Variants in DPF3 observed in about 807,000 individuals in gnomAD.
DPF3 encodes the protein double PHD fingers 3, also known as zinc finger protein DPF3.
DPF3 carries 18 observed loss-of-function variants against 56.8 expected under a neutral mutation model. That is an observed-to-expected ratio of 0.32 (90% CI 0.22 to 0.47). The LOEUF (loss-of-function observed/expected upper bound fraction) is 0.47, where lower values mean the gene tolerates loss of function less well. DPF3 is among the 20% of genes least tolerant of loss of function. DPF3 has a pLI of 1.00. For synonymous variants in DPF3, 188 were observed against 180.2 expected, an observed-to-expected ratio of 1.04 and a Z score of -0.35; for missense variants, 403 against 488.8, an observed-to-expected ratio of 0.82 and a Z score of 1.65.
intron 2 of DPF3, 68 bp from the exon 3 acceptor site, chr14:72,753,439 T>A: frequency 7.8e-7 from 1 of 1,279,464 alleles, no homozygotes; most frequent in Non-Finnish European, 1.1e-6. Flanking sequence ...CTACCCTGAC[T>A]AACCCCGTCA....
At chr14:72,823,310 T>A (rs1037110240) in intron 1 of DPF3, among the ~76,000 whole-genome samples, 2 of 152,150 alleles carry the variant, frequency 1.3e-5, no homozygotes, top group African/African-American at 4.8e-5. Flanking sequence ...ATATTAGAGA[T>A]GTGAGACCAG....
intron 3 of DPF3, among the ~76,000 whole-genome samples, chr14:72,737,454 G>A (rs1298747149): frequency 6.6e-6 from 1 of 152,100 alleles, no homozygotes; most frequent in East Asian, 1.9e-4. Flanking sequence ...GGAGCACAGT[G>A]AGTAATTAAA....
intron 1 of DPF3, among the ~76,000 whole-genome samples, chr14:72,888,423 T>C (rs2110552): frequency 0.46 from 69,191 of 152,032 alleles, 17,176 homozygotes; most frequent in African/African-American, 0.63. Context: ...TTTGACAGAC[T>C]GTGAAACACC....
Position 72,622,404 on chromosome 14 carries a change from A to C in DPF3, c.985-2420T>G, listed in dbSNP as rs542762974. Among the ~76,000 whole-genome samples, 113 of 152,294 alleles carry C rather than the reference A, an allele frequency of 7.4e-4. 1 individual carries two copies. The highest frequency in any genetic ancestry group is 2.6e-3 in the African/African-American group (110 of 41,570). On this transcript the variant is annotated intron_variant, in intron 9 of 10. Transcript: ENST00000556509. Reference sequence around the variant, plus strand: ...ACATCATTATTGCAGAGCCAGCATAAGCTACAGGACAATTTGATTTAGGGA... The same window carrying C: ...ACATCATTATTGCAGAGCCAGCATACGCTACAGGACAATTTGATTTAGGGA...
At position 72,819,266 on chromosome 14, in the gene DPF3, C is replaced by A. The variant is rs1883424913; in HGVS notation, c.33-47373G>T. On this transcript the variant is annotated intron_variant, in intron 1 of 10. Coordinates refer to ENST00000556509, the MANE Select transcript of DPF3 (RefSeq NM_001280542.3). ...CTGACGGGAATATGCAATGGTGCAA[C>A]CACTTTAGAAAATAGTATGGTAGCT... 3.3e-5 allele frequency among the ~76,000 whole-genome samples: 5 copies of A among 152,180 alleles called. No individual in the cohort carries two copies. In the South Asian group the frequency reaches 1.0e-3, roughly 32 times the overall value.
intron 8 of DPF3, among the ~76,000 whole-genome samples, chr14:72,648,155 A>T (rs1442083676): frequency 6.6e-6 from 1 of 152,196 alleles, no homozygotes; most frequent in Non-Finnish European, 1.5e-5. Context: ...TTGTCCCCGT[A>T]TTTCACTAGT....
Position 72,610,841 on chromosome 14 carries a change from CT to C in DPF3, c.*8455del, listed in dbSNP as rs1889896374. Among the ~76,000 whole-genome samples, 1 of 152,220 alleles carries C rather than the reference CT, an allele frequency of 6.6e-6. No homozygotes were observed. The highest frequency in any genetic ancestry group is 6.5e-5 in the Admixed American group (1 of 15,288). On this transcript the variant is annotated 3_prime_UTR_variant, in exon 11 of 11. Transcript: ENST00000556509. ...GCTGCCTGGGGGAAGTGCTGCCAGT[CT>C]GGTGTGGAAAGGGTCCAAGTCAGAG...
chr14:72,796,505 C>CTAAA (rs763481139), intron 1 of DPF3, among the ~76,000 whole-genome samples: 6 of 151,916 alleles, frequency 3.9e-5, no homozygotes, highest in Non-Finnish European at 5.9e-5. Flanking sequence ...TTATTTATCA[C>CTAAA]TAAATAAATA....
chr14:72,774,728 C>T (rs1282537997), intron 1 of DPF3, among the ~76,000 whole-genome samples: 1 of 152,124 alleles, frequency 6.6e-6, no homozygotes, highest in Non-Finnish European at 1.5e-5. Context: ...AGTGTCCTGG[C>T]AGTTGCAAAA....
chr14:72,696,110 G>T (rs1887888912), intron 6 of DPF3, among the ~76,000 whole-genome samples: 1 of 152,020 alleles, frequency 6.6e-6, no homozygotes, highest in South Asian at 2.1e-4. Flanking sequence ...CCATTTAGTT[G>T]CCAGGCATAC....
intron 8 of DPF3, chr14:72,661,981 A>T (rs1329046113): frequency 1.0e-6 from 1 of 984,414 alleles, no homozygotes; most frequent in African/African-American, 1.8e-5. Flanking sequence ...CTCATCAGAC[A>T]TGATAACTAG....
chr14:72,822,745 T>C (rs1883608500), intron 1 of DPF3, among the ~76,000 whole-genome samples: 2 of 152,222 alleles, frequency 1.3e-5, no homozygotes, highest in African/African-American at 2.4e-5. Context: ...GGGAGTGTTA[T>C]GGATTGAGTT....
intron 1 of DPF3, among the ~76,000 whole-genome samples, chr14:72,859,268 A>T (rs1162356691): frequency 6.6e-6 from 1 of 152,122 alleles, no homozygotes; most frequent in Non-Finnish European, 1.5e-5. Flanking sequence ...AGTGTTCACG[A>T]TACTACATAG....
At chr14:72,874,120 A>T (rs970329760) in intron 1 of DPF3, among the ~76,000 whole-genome samples, 2 of 151,444 alleles carry the variant, frequency 1.3e-5, no homozygotes, top group African/African-American at 4.8e-5. Flanking sequence ...AACCTAAAAC[A>T]AGCAGGAGAT....
chr14:72,861,074 CAT>C (rs1244562446), intron 1 of DPF3, among the ~76,000 whole-genome samples: 2 of 133,584 alleles, frequency 1.5e-5, no homozygotes, highest in Non-Finnish European at 3.4e-5. Flanking sequence ...CACACAGACA[CAT>C]ACACACTTCC....
chr14:72,643,356 T>C (rs1490777517), intron 8 of DPF3, among the ~76,000 whole-genome samples: 4 of 152,232 alleles, frequency 2.6e-5, no homozygotes, highest in Admixed American at 6.5e-5. Context: ...CAATGCTCCA[T>C]GCCTCTAGCG....
At position 72,757,099 on chromosome 14, in the gene DPF3, G is replaced by C. The variant is rs554107519; in HGVS notation, c.194-3728C>G. 5.0e-3 allele frequency among the ~76,000 whole-genome samples: 588 copies of C among 117,582 alleles called. 11 individuals carry two copies. Among genetic ancestry groups the C allele is most frequent in the African/African-American group, 0.018 (563 of 30,500 alleles). 77.1% of individuals were successfully genotyped at this position (117,582 alleles called of 152,430 possible). ...GAAGGAAGGAAGGAAGGGAGGAAGG[G>C]AGAGAGGGAGGGAGGGAGGGAGGGG... On this transcript the variant is annotated intron_variant, in intron 2 of 10. Transcript: ENST00000556509.
Position 72,856,595 on chromosome 14 carries a change from T to G in DPF3, c.32+37462A>C, listed in dbSNP as rs1313746640. ...GAGCATGGATCCCACCCACAGGAGA[T>G]AATATTTTGAAAAGAGCACACATTT... On this transcript the variant is annotated intron_variant, in intron 1 of 10. Coordinates refer to ENST00000556509, the MANE Select transcript of DPF3 (RefSeq NM_001280542.3). Among the ~76,000 whole-genome samples the G allele has an allele frequency of 3.9e-5, 6 of 152,186 alleles. No individual in the cohort carries two copies. The South Asian group carries it at 1.0e-3, about 26-fold the overall frequency.
intron 1 of DPF3, among the ~76,000 whole-genome samples, chr14:72,778,774 G>C (rs1891852617): frequency 6.6e-6 from 1 of 152,194 alleles, no homozygotes; most frequent in Admixed American, 6.5e-5. Flanking sequence ...GAGGACAGGT[G>C]AGAGAGATTC....
Sources: gnomAD v4.1 joint callset for allele counts (sites outside exome capture counted in the v4.1 genomes callset) on GRCh38, gnomAD v4.1.1 for gene constraint, MANE v1.5 for transcripts, NCBI Gene and HGNC (gene_info 2026-07-23, HGNC 2026-07-21) for gene names.